ASAH1: variants seen among roughly 807,000 people sequenced by gnomAD.
ASAH1 encodes the protein N-acylsphingosine amidohydrolase 1.
Under a neutral mutation model 59.5 loss-of-function variants are expected in ASAH1, and 70 were observed. The observed-to-expected ratio is 1.18, with a 90% CI of 0.97 to 1.43. ASAH1 has a LOEUF of 1.43. Ranked by LOEUF, ASAH1 falls within the 40% of genes most tolerant of loss-of-function variation. ASAH1 has a pLI of 0.00. For missense variants in ASAH1, 660 were observed against 482.5 expected, an observed-to-expected ratio of 1.37 and a Z score of -3.45; for synonymous variants, 213 against 166.5, an observed-to-expected ratio of 1.28 and a Z score of -2.15.
chr8:18,059,744 T>A (rs534852092), intron 10 of ASAH1, 41 bp from the exon 11 acceptor site: 20 of 1,520,850 alleles, frequency 1.3e-5, no homozygotes, highest in Admixed American at 3.9e-5. Flanking sequence ...AACTTTTTTT[T>A]AATTTTAGTA....
chr8:18,072,626 G>C (rs1800221558), intron 2 of ASAH1, among the ~76,000 whole-genome samples: 1 of 152,178 alleles, frequency 6.6e-6, no homozygotes, highest in Non-Finnish European at 1.5e-5. Flanking sequence ...TACATGAAAT[G>C]CTACAATACT....
intron 1 of ASAH1, among the ~76,000 whole-genome samples, chr8:18,078,452 A>C (rs995156087): frequency 2.0e-5 from 3 of 152,194 alleles, no homozygotes; most frequent in African/African-American, 7.2e-5. Context: ...GTGTGACAGA[A>C]AATAAGAAAG....
chr8:18,084,439 C>T (rs1016381413), upstream of ASAH1: 7 of 1,355,876 alleles, frequency 5.2e-6, no homozygotes, highest in South Asian at 3.0e-5. Flanking sequence ...CTCTAGCAGG[C>T]GGGTGCAGCC....
chr8:18,084,672 C>T (rs754408687), upstream of ASAH1: 1 of 1,613,410 alleles, frequency 6.2e-7, no homozygotes, highest in Non-Finnish European at 8.5e-7. Flanking sequence ...TGTTGGTTAC[C>T]CACTTGGGCT....
chr8:18,061,283 C>A, intron 10 of ASAH1, 94 bp downstream of exon 10: 1 of 1,141,944 alleles, frequency 8.8e-7, no homozygotes, highest in Non-Finnish European at 1.3e-6. Context: ...AATAGTTCCT[C>A]AAAGGATTAA....
chr8:18,077,022 A>G (rs926413178), intron 1 of ASAH1, among the ~76,000 whole-genome samples: 6 of 152,226 alleles, frequency 3.9e-5, no homozygotes, highest in African/African-American at 1.4e-4. Context: ...GTTCAGTAAT[A>G]GTGGCTGGGG....
At chr8:18,084,257 T>TA, upstream of ASAH1, 1 of 1,455,788 alleles carries the variant, frequency 6.9e-7, no homozygotes, top group South Asian at 1.4e-5. Flanking sequence ...AAGGGTGGCG[T>TA]AGAGAAAGAG....
In ASAH1 at chr8:18,069,829, G is replaced by C. The variant is rs763946344; in HGVS notation, c.266C>G (p.Pro89Arg). 6 of 1,590,652 alleles carry C rather than the reference G, an allele frequency of 3.8e-6. No homozygotes were observed. The Admixed American group carries it at 1.0e-4, about 27-fold the overall frequency. ...SLKNMINTFVPSGKIMQVVDE... is the reference protein window; with the variant it reads ...SLKNMINTFVRSGKIMQVVDE... ...CACCACCTGCATAATTTTTCCACTT[G>C]GCACGAATGTATTTATCATATTCTT... The change falls in exon 4 of 14, where the codon CCA becomes CGA. Residue 89 changes from proline to arginine, a missense_variant. Coordinates refer to ENST00000637790, the MANE Select transcript of ASAH1 (RefSeq NM_177924.5).
chr8:18,084,063 C>G lies in ASAH1; in HGVS notation c.-5G>C. On this transcript the variant is annotated 5_prime_UTR_variant, in exon 1 of 14. Transcript: ENST00000637790. ...GACGCAACTCCGGCCCGGCATCGCT[C>G]TAGCAGCCAACGCCACTCCCCGGAC... The G allele has an allele frequency of 1.9e-6, 3 of 1,598,616 alleles. No individual in the cohort carries two copies. Among genetic ancestry groups the G allele is most frequent in the African/African-American group, 1.3e-5 (1 of 75,040 alleles).
chr8:18,074,633 TA>T (rs1195810623), intron 2 of ASAH1, among the ~76,000 whole-genome samples: 3 of 152,162 alleles, frequency 2.0e-5, no homozygotes, highest in African/African-American at 7.2e-5. Context: ...CTCTGTTCTG[TA>T]CACTCTGAGG....
At chr8:18,081,916 TTAA>T (rs1404370789) in intron 1 of ASAH1, among the ~76,000 whole-genome samples, 2 of 152,082 alleles carry the variant, frequency 1.3e-5, no homozygotes, top group Non-Finnish European at 2.9e-5. Flanking sequence ...TAAAAAAAAA[TTAA>T]TGAGGCCTTG....
intron 5 of ASAH1, chr8:18,066,988 G>A (rs1053157346): frequency 2.4e-6 from 1 of 423,626 alleles, no homozygotes; most frequent in African/African-American, 2.0e-5. Flanking sequence ...TTCTGCAAAG[G>A]GGCATGATGG....
intron 1 of ASAH1, among the ~76,000 whole-genome samples, chr8:18,081,065 C>T (rs2283120): frequency 0.52 from 78,395 of 151,910 alleles, 20,782 homozygotes; most frequent in Non-Finnish European, 0.58. Context: ...CTGCTGGATG[C>T]CTCTCTGCCA....
At chr8:18,075,362 A>G (rs1028408885) in intron 2 of ASAH1, 179 bp downstream of exon 2, 6 of 735,800 alleles carry the variant, frequency 8.2e-6, no homozygotes, top group Non-Finnish European at 1.5e-5. Context: ...ATATTTTCAT[A>G]TTTGTCCAAG....
At position 18,056,477 on chromosome 8, in the gene ASAH1, T is replaced by C. The variant is rs766907062; in HGVS notation, c.*1057A>G. On this transcript the variant is annotated 3_prime_UTR_variant, in exon 14 of 14. Transcript: ENST00000637790. ...CTCTTTCCAGTGACTGTTTATTGAG[T>C]GTCAGGAACACAACTGTGATTATAC... The C allele has an allele frequency of 6.6e-6, 1 of 152,308 alleles. No homozygotes were observed. Among genetic ancestry groups the C allele is most frequent in the East Asian group, 1.9e-4 (1 of 5,182 alleles). 9.4% of individuals were successfully genotyped at this position (152,308 alleles called of 1,614,324 possible). A position where few individuals can be genotyped will look rare whatever the true frequency, so the allele number is the denominator to read the frequency against.
At chr8:18,067,389 T>G (rs1799977930) in intron 4 of ASAH1, 91 bp from the exon 5 acceptor site, 1 of 807,460 alleles carries the variant, frequency 1.2e-6, no homozygotes, top group African/African-American at 1.8e-5. Context: ...AAAGCATGCT[T>G]TGAAATCTAG....
At chr8:18,083,902 C>T (rs1266967830) in intron 1 of ASAH1, 79 bp downstream of exon 1, 3 of 1,541,636 alleles carry the variant, frequency 1.9e-6, no homozygotes, top group Admixed American at 3.9e-5. Context: ...CTTGTACCCG[C>T]TCGCGCCGCC....
intron 8 of ASAH1, 119 bp downstream of exon 8, chr8:18,062,160 G>A: frequency 7.4e-7 from 1 of 1,344,720 alleles, no homozygotes; most frequent in Non-Finnish European, 1.1e-6. Context: ...AGAAGTACAA[G>A]GGGGTGAAAT....
In ASAH1 at chr8:18,059,769, T is replaced by C. The variant is rs150925924; in HGVS notation, c.786-66A>G. On this transcript the variant is annotated intron_variant, in intron 10 of 13. Transcript: ENST00000637790. ...TAATTTTAGTAAATAACTTCATTTA[T>C]TTTTAAATTTTACTTTAAGTTCTGG... The C allele has an allele frequency of 1.6e-3, 2,353 of 1,449,386 alleles. 2 individuals are homozygous for C. Among genetic ancestry groups the C allele is most frequent in the Non-Finnish European group, 2.0e-3 (2,170 of 1,066,198 alleles). 89.8% of individuals were successfully genotyped at this position (1,449,386 alleles called of 1,614,324 possible).
Sources: gnomAD v4.1 joint callset for allele counts (sites outside exome capture counted in the v4.1 genomes callset) on GRCh38, gnomAD v4.1.1 for gene constraint, MANE v1.5 for transcripts, NCBI Gene and HGNC (gene_info 2026-07-23, HGNC 2026-07-21) for gene names.